Variants in GALNT13 observed in about 807,000 individuals in gnomAD.
The protein encoded by GALNT13 is polypeptide N-acetylgalactosaminyltransferase 13.
GALNT13 carries 28 observed loss-of-function variants against 64.2 expected under a neutral mutation model. That is an observed-to-expected ratio of 0.44 (90% CI 0.32 to 0.60). The LOEUF is 0.60. GALNT13 is among the 20% of genes least tolerant of loss of function. The pLI is 0.05. For missense variants in GALNT13, 577 were observed against 669.8 expected (o/e 0.86, Z 1.53); for synonymous variants, 214 against 224.6 (o/e 0.95, Z 0.42).
chr2:153,274,249 G>A, the GALNT13 span, among the ~76,000 whole-genome samples: 47,191 of 152,010 alleles, frequency 0.31, 7,768 homozygotes, highest in African/African-American at 0.42. Flanking sequence ...CCTGCCTGCC[G>A]TTATTGGAGA....
In GALNT13 at chr2:154,326,833, A is replaced by C. The variant is rs558494715; in HGVS notation, c.1156+25244A>C. Among the ~76,000 whole-genome samples, 3 of 152,294 alleles carry C rather than the reference A, an allele frequency of 2.0e-5. No individual in the cohort carries two copies. In the East Asian group the frequency reaches 5.8e-4, roughly 29 times the overall value. On this transcript the variant is annotated intron_variant, in intron 9 of 12. Coordinates refer to ENST00000392825, the MANE Select transcript of GALNT13 (RefSeq NM_052917.4). ...ATTTTTGAGAAGCATTGTCTAACAC[A>C]TAAAAATTAGTATCAACTAATTCTC... is the stretch of plus-strand genomic sequence containing the variant.
intron 4 of GALNT13, among the ~76,000 whole-genome samples, chr2:154,229,073 C>A (rs886109196): frequency 2.0e-5 from 3 of 151,774 alleles, no homozygotes; most frequent in Non-Finnish European, 4.4e-5. Flanking sequence ...CAACACTGGG[C>A]TGTTCTTAAT....
the GALNT13 span, among the ~76,000 whole-genome samples, chr2:153,779,473 T>G: frequency 6.6e-6 from 1 of 152,208 alleles, no homozygotes; most frequent in Non-Finnish European, 1.5e-5. Context: ...ATATTACACT[T>G]GGATTTTAAA....
intron 4 of GALNT13, among the ~76,000 whole-genome samples, chr2:154,164,401 C>G (rs527390424): frequency 5.3e-4 from 81 of 152,088 alleles, no homozygotes; most frequent in South Asian, 1.5e-3. Context: ...GGAGTTATAG[C>G]TTAAATTCTT....
At chr2:154,298,571 T>TA (rs1559075472) in intron 8 of GALNT13, among the ~76,000 whole-genome samples, 2 of 75,788 alleles carry the variant, frequency 2.6e-5, no homozygotes, top group Non-Finnish European at 4.9e-5. Context: ...AATTTATATA[T>TA]AAATTGTATA....
rs577710489 is a variant in GALNT13, at chr2:154,222,980, C to T, written c.312-19050C>T. On this transcript the variant is annotated intron_variant, in intron 4 of 12. Transcript: ENST00000392825. The stretch of plus-strand genomic sequence containing the variant: ...ATAAATTAAGAAAAAAATGCCAGCT[C>T]TAGTTCAGAGTTCACGTGTAGCAAG... Among the ~76,000 whole-genome samples the T allele has an allele frequency of 3.3e-3, 503 of 152,182 alleles. 3 individuals are homozygous for T. The highest frequency in any genetic ancestry group is 0.011 in the African/African-American group (457 of 41,542).
At chr2:154,207,342 T>C (rs1161948390) in intron 4 of GALNT13, among the ~76,000 whole-genome samples, 1 of 152,190 alleles carries the variant, frequency 6.6e-6, no homozygotes, top group East Asian at 1.9e-4. Flanking sequence ...TGCTCTCCTA[T>C]TAATAATCTG....
At chr2:153,977,786 T>C (rs927610666) in intron 3 of GALNT13, among the ~76,000 whole-genome samples, 2 of 152,186 alleles carry the variant, frequency 1.3e-5, no homozygotes, top group African/African-American at 4.8e-5. Context: ...ATATGACCAT[T>C]CAAATTTTAA....
At chr2:154,358,627 A>AT (rs776156629) in intron 9 of GALNT13, among the ~76,000 whole-genome samples, 3 of 151,806 alleles carry the variant, frequency 2.0e-5, no homozygotes, top group Admixed American at 1.3e-4. Flanking sequence ...TGCTTTTTTG[A>AT]TTTTTTTTCT....
At chr2:153,611,567 G>A in the GALNT13 span, among the ~76,000 whole-genome samples, 3 of 151,830 alleles carry the variant, frequency 2.0e-5, no homozygotes, top group Non-Finnish European at 4.4e-5. Context: ...CACCGTGTTG[G>A]CCAGGCTGGT....
chr2:153,695,011 G>T, the GALNT13 span, among the ~76,000 whole-genome samples: 3 of 152,058 alleles, frequency 2.0e-5, no homozygotes, highest in African/African-American at 7.2e-5. Flanking sequence ...TCAGCAAAGC[G>T]GAACAGGTAC....
the GALNT13 span, among the ~76,000 whole-genome samples, chr2:153,716,109 G>T: frequency 6.6e-6 from 1 of 152,148 alleles, no homozygotes; most frequent in Non-Finnish European, 1.5e-5. Flanking sequence ...CCTTTGAGCT[G>T]ATTATTTTCT....
At chr2:154,103,488 A>G (rs535466051) in intron 3 of GALNT13, among the ~76,000 whole-genome samples, 1 of 152,144 alleles carries the variant, frequency 6.6e-6, no homozygotes, top group South Asian at 2.1e-4. Flanking sequence ...CAGAATTTAT[A>G]TTTTGGTTGG....
chr2:153,422,085 A>C, the GALNT13 span: 1 of 152,316 alleles, frequency 6.6e-6, no homozygotes, highest in African/African-American at 2.4e-5. Context: ...AAAGGCATAA[A>C]TAGCTCATGA....
the GALNT13 span, among the ~76,000 whole-genome samples, chr2:153,201,192 C>G: frequency 3.9e-5 from 6 of 152,304 alleles, no homozygotes; most frequent in South Asian, 1.2e-3. Flanking sequence ...TTGTTCTCAG[C>G]AGAGTTTTCT....
the GALNT13 span, among the ~76,000 whole-genome samples, chr2:153,277,269 A>G: frequency 1.3e-5 from 2 of 152,130 alleles, no homozygotes; most frequent in Non-Finnish European, 2.9e-5. Context: ...TGAGTACCCA[A>G]TATCCAGTTT....
the GALNT13 span, among the ~76,000 whole-genome samples, chr2:153,633,289 T>G: frequency 6.6e-6 from 1 of 152,154 alleles, no homozygotes; most frequent in Non-Finnish European, 1.5e-5. Flanking sequence ...TTCATATTTC[T>G]GAATCACACA....
intron 2 of GALNT13, among the ~76,000 whole-genome samples, chr2:153,926,094 T>C (rs62172781): frequency 0.024 from 3,617 of 152,094 alleles, 74 homozygotes; most frequent in Non-Finnish European, 0.035. Flanking sequence ...TGTGGTACAC[T>C]ATTAATAGGA....
the GALNT13 span, among the ~76,000 whole-genome samples, chr2:153,542,345 A>AACAC: frequency 1.1e-5 from 1 of 95,036 alleles, no homozygotes; most frequent in Non-Finnish European, 1.8e-5. Flanking sequence ...CAAACAAACA[A>AACAC]ACACACACAC....
Sources: allele counts gnomAD v4.1 joint callset (sites outside exome capture counted in the v4.1 genomes callset), GRCh38; gene constraint gnomAD v4.1.1; transcripts MANE v1.5; gene names NCBI Gene and HGNC (gene_info 2026-07-23, HGNC 2026-07-21).